MLIP: variants seen among roughly 807,000 people sequenced by gnomAD.
MLIP encodes muscular LMNA-interacting protein.
Under a neutral mutation model 84.8 loss-of-function variants are expected in MLIP, and 79 were observed. That is an observed-to-expected ratio of 0.93 (90% confidence interval 0.78 to 1.12). The LOEUF is 1.12. MLIP is among the 50% of genes most tolerant of loss of function. MLIP has a pLI of 0.00. For missense variants in MLIP, 1,257 were observed against 1,160.6 expected (o/e 1.08, Z -1.21); for synonymous variants, 504 against 463.0 (o/e 1.09, Z -1.14).
intron 1 of MLIP, among the ~76,000 whole-genome samples, chr6:54,074,475 A>T (rs1169469990): frequency 6.6e-6 from 1 of 152,156 alleles, no homozygotes; most frequent in East Asian, 1.9e-4. Flanking sequence ...CAGTGCAAGT[A>T]TCTTAGTTCC....
At chr6:54,053,614 A>T (rs1195419987) in intron 1 of MLIP, among the ~76,000 whole-genome samples, 1 of 152,236 alleles carries the variant, frequency 6.6e-6, no homozygotes, top group East Asian at 1.9e-4. Flanking sequence ...TGCTATCATG[A>T]TTACTAGCTT....
chr6:54,186,070 T>C (rs1227113357), intron 9 of MLIP, among the ~76,000 whole-genome samples: 1 of 152,126 alleles, frequency 6.6e-6, no homozygotes, highest in African/African-American at 2.4e-5. Context: ...ACAAACATTG[T>C]TAGACACTGT....
At chr6:54,172,793 T>C (rs1775902464) in intron 9 of MLIP, among the ~76,000 whole-genome samples, 1 of 151,608 alleles carries the variant, frequency 6.6e-6, no homozygotes, top group African/African-American at 2.4e-5. Context: ...TATTGTGACA[T>C]TTCATACAGT....
At chr6:54,106,713 C>T (rs1769044550), upstream of MLIP, among the ~76,000 whole-genome samples, 1 of 152,102 alleles carries the variant, frequency 6.6e-6, no homozygotes, top group South Asian at 2.1e-4. Flanking sequence ...AGGTGGGGAA[C>T]AACTTCAAAA....
At chr6:54,238,447 C>T (rs1048990937) in intron 12 of MLIP, among the ~76,000 whole-genome samples, 3 of 152,152 alleles carry the variant, frequency 2.0e-5, no homozygotes, top group African/African-American at 7.2e-5. Flanking sequence ...ACTTTGTTCT[C>T]TTCTTATTCC....
At chr6:54,244,339 G>T (rs965861528) in intron 12 of MLIP, among the ~76,000 whole-genome samples, 2 of 152,092 alleles carry the variant, frequency 1.3e-5, no homozygotes, top group Non-Finnish European at 2.9e-5. Flanking sequence ...TTGGAAAAAA[G>T]ACTTTATCAA....
chr6:54,162,917 G>T (rs1774800486), intron 8 of MLIP, among the ~76,000 whole-genome samples: 1 of 151,958 alleles, frequency 6.6e-6, no homozygotes, highest in Non-Finnish European at 1.5e-5. Flanking sequence ...AAATGAGAAT[G>T]AAAAGGCTTT....
intron 5 of MLIP, among the ~76,000 whole-genome samples, chr6:54,152,005 A>G (rs1430081711): frequency 6.6e-6 from 1 of 152,106 alleles, no homozygotes; most frequent in Non-Finnish European, 1.5e-5. Flanking sequence ...TATTGTCTGC[A>G]TCAAAATTTA....
At chr6:54,051,214 T>C (rs1765357557) in intron 1 of MLIP, among the ~76,000 whole-genome samples, 1 of 151,590 alleles carries the variant, frequency 6.6e-6, no homozygotes, top group Non-Finnish European at 1.5e-5. Context: ...AAATATAATA[T>C]TTGAAGAACT....
At chr6:54,063,071 T>G (rs886289226) in intron 1 of MLIP, among the ~76,000 whole-genome samples, 4 of 152,052 alleles carry the variant, frequency 2.6e-5, no homozygotes, top group Non-Finnish European at 4.4e-5. Context: ...CCGGTCGTGG[T>G]GGCGTACGCC....
At position 54,063,840 on chromosome 6, in the gene MLIP, T is replaced by C. The variant is rs566114760; in HGVS notation, c.63+44749T>C. Among the ~76,000 whole-genome samples, 3 of 152,248 alleles carry C rather than the reference T, an allele frequency of 2.0e-5. No individual in the cohort carries two copies. In the East Asian group the frequency reaches 5.8e-4, roughly 29 times the overall value. On this transcript the variant is annotated intron_variant, in intron 1 of 12. Coordinates refer to the MLIP transcript ENST00000274897. ...CACATATTTGTCCTTAGAGAATTCA[T>C]TGTGTGCTTTTAGAATTCCATGTTG... is the stretch of plus-strand genomic sequence containing the variant.
At chr6:54,181,466 G>T (rs2754798) in intron 9 of MLIP, among the ~76,000 whole-genome samples, 129,225 of 152,088 alleles carry the variant, frequency 0.85, 55,959 homozygotes, top group Non-Finnish European at 0.94. Flanking sequence ...AAGAGCCTAT[G>T]CCTGGATTCA....
At chr6:54,040,153 G>C (rs1764662542) in intron 1 of MLIP, among the ~76,000 whole-genome samples, 1 of 151,826 alleles carries the variant, frequency 6.6e-6, no homozygotes, top group Non-Finnish European at 1.5e-5. Flanking sequence ...AATATCCTTT[G>C]AGCATCTACC....
At chr6:54,169,220 CAG>C (rs905001488) in intron 8 of MLIP, among the ~76,000 whole-genome samples, 8 of 151,526 alleles carry the variant, frequency 5.3e-5, no homozygotes, top group African/African-American at 1.2e-4. Flanking sequence ...ATGGAAAAGA[CAG>C]AGATTTCTAC....
intron 1 of MLIP, among the ~76,000 whole-genome samples, chr6:54,024,766 T>C (rs1763703449): frequency 6.6e-6 from 1 of 152,192 alleles, no homozygotes; most frequent in African/African-American, 2.4e-5. Context: ...TCTATAATTA[T>C]TCTTCAGAAT....
intron 10 of MLIP, among the ~76,000 whole-genome samples, 188 bp downstream of exon 10, chr6:54,190,102 A>G (rs1192006762): frequency 6.6e-6 from 1 of 152,214 alleles, no homozygotes; most frequent in East Asian, 1.9e-4. Context: ...AACATACGTA[A>G]AACTATACAT....
intron 10 of MLIP, among the ~76,000 whole-genome samples, chr6:54,197,099 T>C (rs769140607): frequency 1.3e-5 from 2 of 151,746 alleles, no homozygotes; most frequent in Non-Finnish European, 2.9e-5. Flanking sequence ...GGAAATAAGA[T>C]TGGAAAAAGA....
Position 54,216,262 on chromosome 6 carries a change from T to C in MLIP, c.2718+14029T>C, listed in dbSNP as rs953065407. 22 of 985,312 alleles carry C rather than the reference T, an allele frequency of 2.2e-5. No homozygotes were observed. In the African/African-American group the frequency reaches 3.1e-4, roughly 14 times the overall value. The allele number at this position is 985,312 out of a possible 1,614,324, so 61.0% of individuals were successfully genotyped here. A position where few individuals can be genotyped will look rare whatever the true frequency, so the allele number is the denominator to read the frequency against. ...TCAACTGAATATATTGTCTTCTTTC[T>C]CTCTTCCATTATGAGCAATTGTAGA... On this transcript the variant is annotated intron_variant, in intron 11 of 13. Transcript: ENST00000502396.
intron 11 of MLIP, chr6:54,216,148 G>C (rs1779839807): frequency 4.1e-6 from 4 of 984,922 alleles, no homozygotes; most frequent in Non-Finnish European, 2.4e-6. Context: ...CACTATCAAA[G>C]GGCTCTAAAG....
Sources: allele counts gnomAD v4.1 joint callset (sites outside exome capture counted in the v4.1 genomes callset), GRCh38; gene constraint gnomAD v4.1.1; transcripts MANE v1.5; gene names NCBI Gene and HGNC (gene_info 2026-07-23, HGNC 2026-07-21).